The following CTNND2 variants were observed in gnomAD, a reference collection of about 807,000 sequenced individuals.
The protein encoded by CTNND2 is catenin delta-2.
A neutral mutation model predicts 144.4 loss-of-function variants in CTNND2; 22 were observed. That is an observed-to-expected ratio of 0.15 (90% CI 0.11 to 0.22). The LOEUF (loss-of-function observed/expected upper bound fraction) is 0.22, where lower values mean the gene tolerates loss of function less well. Ranked by LOEUF, CTNND2 falls within the 10% of genes least tolerant of loss-of-function variation. The pLI, the probability that CTNND2 is intolerant of heterozygous loss-of-function variation, is 1.00. For synonymous variants in CTNND2, 751 were observed against 695.6 expected, an observed-to-expected ratio of 1.08 and a Z score of -1.25; for missense variants, 1,353 against 1,618.8, an observed-to-expected ratio of 0.84 and a Z score of 2.82.
intron 2 of CTNND2, among the ~76,000 whole-genome samples, chr5:11,689,832 T>C (rs1784814888): frequency 1.3e-5 from 2 of 152,164 alleles, no homozygotes. Flanking sequence ...AGACTGCTGA[T>C]CCCATCATCT....
At chr5:11,452,988 G>C (rs1581229162) in intron 3 of CTNND2, among the ~76,000 whole-genome samples, 1 of 152,164 alleles carries the variant, frequency 6.6e-6, no homozygotes, top group East Asian at 1.9e-4. Context: ...TTCCTGTTGT[G>C]TTTGAAGTAC....
Position 10,988,046 on chromosome 5 carries a change from A to AT in CTNND2, c.3343+64dup. 1 of 1,604,604 alleles carries AT rather than the reference A, an allele frequency of 6.2e-7. No individual in the cohort carries two copies. The highest frequency in any genetic ancestry group is 1.1e-5 in the South Asian group (1 of 89,146). ...CCAGCCCCGTGAAGCCTGATGTCCC[A>AT]TATCTCTGCCTTGTCGCGGGTCAAG... On this transcript the variant is annotated intron_variant, in intron 20 of 21. Transcript: ENST00000304623. The surrounding 1 kb of genome is among the most constrained non-coding windows in gnomAD (Gnocchi z 5.9).
chr5:11,176,069 C>T (rs1387323696), intron 11 of CTNND2, among the ~76,000 whole-genome samples: 1 of 152,128 alleles, frequency 6.6e-6, no homozygotes, highest in Non-Finnish European at 1.5e-5. Context: ...TGGGAATGAA[C>T]ACATAAGTTA....
intron 3 of CTNND2, among the ~76,000 whole-genome samples, chr5:11,489,877 T>C (rs774462410): frequency 1.3e-5 from 2 of 152,218 alleles, no homozygotes; most frequent in Non-Finnish European, 2.9e-5. Flanking sequence ...AGATCGTCTC[T>C]GTGAATTTCG....
intron 9 of CTNND2, among the ~76,000 whole-genome samples, chr5:11,343,765 T>C (rs1164152008): frequency 1.3e-5 from 2 of 152,180 alleles, no homozygotes; most frequent in African/African-American, 4.8e-5. Flanking sequence ...ACATCAAAGA[T>C]GTAAGTAAGC....
intron 14 of CTNND2, among the ~76,000 whole-genome samples, chr5:11,109,365 T>C (rs560797747): frequency 1.3e-5 from 2 of 151,200 alleles, no homozygotes; most frequent in South Asian, 2.1e-4. Flanking sequence ...ATATATTTTC[T>C]AGAATTATCC....
In CTNND2 at chr5:10,988,747, T is replaced by C. The variant is rs1738330960; in HGVS notation, c.3212-505A>G. Reference sequence around the variant, plus strand: ...CACCTAGAAACTGCCTTTAAAAAAGTCAGAGGAAACAGCTCTCTACACAGG... The same window carrying C: ...CACCTAGAAACTGCCTTTAAAAAAGCCAGAGGAAACAGCTCTCTACACAGG... On this transcript the variant is annotated intron_variant, in intron 19 of 21. Transcript: ENST00000304623. This position sits in a 1 kb window ranked among gnomAD's most constrained non-coding sequence, Gnocchi z 5.9. Among the ~76,000 whole-genome samples the C allele has an allele frequency of 6.6e-6, 1 of 152,034 alleles. No homozygotes were observed. The highest frequency in any genetic ancestry group is 6.5e-5 in the Admixed American group (1 of 15,276).
intron 18 of CTNND2, among the ~76,000 whole-genome samples, chr5:11,017,407 T>C (rs1388201041): frequency 6.6e-6 from 1 of 151,940 alleles, no homozygotes; most frequent in African/African-American, 2.4e-5. Context: ...GCACTGTCTT[T>C]TTCCTTCTGG....
intron 2 of CTNND2, among the ~76,000 whole-genome samples, chr5:11,648,906 A>T (rs1782499034): frequency 6.6e-6 from 1 of 152,304 alleles, no homozygotes; most frequent in African/African-American, 2.4e-5. Flanking sequence ...TTTTATTTTC[A>T]GCTCCATTTA....
At chr5:11,311,869 T>C (rs113176373) in intron 9 of CTNND2, among the ~76,000 whole-genome samples, 5 of 72,300 alleles carry the variant, frequency 6.9e-5, no homozygotes, top group Admixed American at 1.6e-4. Flanking sequence ...ACACTCCCCC[T>C]TCCCACTCAC....
intron 14 of CTNND2, 75 bp downstream of exon 14, chr5:11,110,783 C>T: frequency 7.3e-7 from 1 of 1,368,600 alleles, no homozygotes; most frequent in Non-Finnish European, 1.0e-6. Flanking sequence ...GGCTCATTCT[C>T]TATATATTGA....
rs536283278 is a variant in CTNND2, at chr5:11,082,798, T to C, written c.2686A>G (p.Ile896Val). ...TCTATTCGGAGCAGCTCCACGAGGA[T>C]GGGCAGGCCTTTCTCTTTTCGGACA... ...AAVRKEKGLP[I>V]LVELLRIDND... is the part of the protein sequence containing the mutation. The change falls in exon 16 of 22, where the codon ATC becomes GTC. Residue 896 changes from isoleucine to valine, a missense_variant. Physicochemically the swap from Ile to Val is conservative, Grantham distance 29. Coordinates refer to ENST00000304623, the MANE Select transcript of CTNND2 (RefSeq NM_001332.4). 6.2e-7 allele frequency: 1 copy of C among 1,614,160 alleles called. No homozygotes were observed. The highest frequency in any genetic ancestry group is 1.1e-5 in the South Asian group (1 of 91,086).
At chr5:11,117,380 G>A in intron 13 of CTNND2, 70 bp downstream of exon 13, 1 of 1,174,100 alleles carries the variant, frequency 8.5e-7, no homozygotes, top group East Asian at 2.3e-5. Flanking sequence ...CTCCAGGGTT[G>A]TTAGCTATTG....
chr5:11,594,421 A>G (rs1238849458), intron 2 of CTNND2, among the ~76,000 whole-genome samples: 3 of 152,148 alleles, frequency 2.0e-5, no homozygotes, highest in Non-Finnish European at 2.9e-5. Context: ...TTTGAAAGCT[A>G]TAACAGGCAT....
At chr5:11,632,394 A>G (rs6865831) in intron 2 of CTNND2, among the ~76,000 whole-genome samples, 59,772 of 152,016 alleles carry the variant, frequency 0.39, 12,627 homozygotes, top group Middle Eastern at 0.62. Context: ...GCAAACTCTG[A>G]GGAGTGACAG....
chr5:11,180,117 G>T lies in CTNND2; in HGVS notation c.1975+19331C>A, dbSNP rs146469935. Reference sequence around the variant, plus strand: ...CCATGTGTTGAGGGAGGGACCTGGTGGGAGGTGACTGCATCATGGGGGGTG... The same window carrying T: ...CCATGTGTTGAGGGAGGGACCTGGTTGGAGGTGACTGCATCATGGGGGGTG... On this transcript the variant is annotated intron_variant, in intron 11 of 21. Coordinates refer to ENST00000304623, the MANE Select transcript of CTNND2 (RefSeq NM_001332.4). 4.8e-3 allele frequency among the ~76,000 whole-genome samples: 738 copies of T among 152,268 alleles called. 7 individuals are homozygous for T. The highest frequency in any genetic ancestry group is 0.016 in the African/African-American group (685 of 41,536).
intron 3 of CTNND2, among the ~76,000 whole-genome samples, chr5:11,530,114 C>A (rs1773609358): frequency 6.7e-6 from 1 of 149,960 alleles, no homozygotes; most frequent in African/African-American, 2.5e-5. Context: ...GATTTTAACT[C>A]CATAAGTGCT....
At chr5:11,882,869 T>C (rs12518296) in intron 1 of CTNND2, among the ~76,000 whole-genome samples, 35,849 of 152,112 alleles carry the variant, frequency 0.24, 4,409 homozygotes, top group Non-Finnish European at 0.27. Flanking sequence ...TTCAGCATGA[T>C]TGAATTGAAT....
intron 9 of CTNND2, among the ~76,000 whole-genome samples, chr5:11,322,771 C>T (rs1190483955): frequency 3.3e-5 from 5 of 151,998 alleles, no homozygotes; most frequent in South Asian, 2.1e-4. Context: ...CATTCTCCTT[C>T]GGCAGGTAAC....
Sources: gnomAD v4.1 joint callset for allele counts (sites outside exome capture counted in the v4.1 genomes callset) on GRCh38, gnomAD v4.1.1 for gene constraint, Gnocchi (gnomAD v3.1) non-coding constraint, MANE v1.5 for transcripts, NCBI Gene and HGNC (gene_info 2026-07-23, HGNC 2026-07-21) for gene names.